NDOR1: variants seen among roughly 807,000 people sequenced by gnomAD.
The protein encoded by NDOR1 is NADPH dependent diflavin oxidoreductase 1, also known as NADPH-dependent diflavin oxidoreductase 1.
A neutral mutation model predicts 67.2 loss-of-function variants in NDOR1; 61 were observed. That is an observed-to-expected ratio of 0.91 (90% CI 0.74 to 1.12). The LOEUF is 1.12. NDOR1 is among the 50% of genes most tolerant of loss of function. The pLI, the probability that NDOR1 is intolerant of heterozygous loss-of-function variation, is 0.00. For missense variants in NDOR1, 878 were observed against 802.8 expected, an observed-to-expected ratio of 1.09 and a Z score of -1.13; for synonymous variants, 378 against 343.7, an observed-to-expected ratio of 1.10 and a Z score of -1.10.
intron 2 of NDOR1, among the ~76,000 whole-genome samples, chr9:137,209,004 C>A (rs929231188): frequency 3.3e-5 from 5 of 152,124 alleles, no homozygotes; most frequent in Admixed American, 6.5e-5. Flanking sequence ...CCTCAGCCTC[C>A]CAAGTAGATG....
rs1253344769 is a variant in NDOR1 at position 137,219,182 on chromosome 9, G to A, written c.*2766G>A. On this transcript the variant is annotated 3_prime_UTR_variant, in exon 14 of 14. Coordinates refer to ENST00000684003, the MANE Select transcript of NDOR1 (RefSeq NM_014434.4). ...CACTTGATCAGGCCCAGACCAGGTG[G>A]GGGTTGGCGCTGGCCTGTGTTGCAG... The A allele has an allele frequency of 6.6e-6, 1 of 152,424 alleles. No individual in the cohort carries two copies. The highest frequency in any genetic ancestry group is 1.5e-5 in the Non-Finnish European group (1 of 68,146). 9.4% of individuals were successfully genotyped at this position (152,424 alleles called of 1,614,324 possible). A position where few individuals can be genotyped will look rare whatever the true frequency, so the allele number is the denominator to read the frequency against.
Position 137,205,903 on chromosome 9 carries a change from C to G in NDOR1, c.126C>G (p.Ser42=), listed in dbSNP as rs1454010552. ...RLGCRVQALD[S]YPVVNLINEP... is the part of the protein sequence containing the mutation. ...GCTGCCGGGTGCAGGCCCTGGACTC[C>G]TACCCGGTGGTGAGGGCTCGCTAGG... Residue 42 remains serine (S), a synonymous_variant, in exon 1 of 14, where the codon TCC becomes TCG. Coordinates refer to ENST00000684003, the MANE Select transcript of NDOR1 (RefSeq NM_014434.4). 6.3e-7 allele frequency: 1 copy of G among 1,592,718 alleles called. No individual in the cohort carries two copies.
At chr9:137,211,002 A>G (rs1019693968) in intron 2 of NDOR1, among the ~76,000 whole-genome samples, 3 of 150,924 alleles carry the variant, frequency 2.0e-5, no homozygotes, top group Admixed American at 6.6e-5. Flanking sequence ...TTAGCCGGGC[A>G]TGGTGGCACG....
chr9:137,212,386 G>C lies in NDOR1; in HGVS notation c.214-116G>C, dbSNP rs1393458920. The C allele has an allele frequency of 1.2e-6, 1 of 858,716 alleles. No homozygotes were observed. The highest frequency in any genetic ancestry group is 1.9e-6 in the Non-Finnish European group (1 of 521,700). 53.2% of individuals were successfully genotyped at this position (858,716 alleles called of 1,614,324 possible). A position where few individuals can be genotyped will look rare whatever the true frequency, so the allele number is the denominator to read the frequency against. On this transcript the variant is annotated intron_variant, in intron 2 of 13. Transcript: ENST00000684003. This position sits in a 1 kb window ranked among gnomAD's most constrained non-coding sequence, Gnocchi z 4.3. ...GCCTTTTGGTCAGATAGGTCCAGTTGTATTCTGCCCCCATCCTACCCACCT... is the reference window on the plus strand; with the variant it reads ...GCCTTTTGGTCAGATAGGTCCAGTTCTATTCTGCCCCCATCCTACCCACCT...
At chr9:137,214,537 G>GTCCCC (rs754856659) in intron 6 of NDOR1, 33 bp from the exon 7 acceptor site, 1 of 1,610,320 alleles carries the variant, frequency 6.2e-7, no homozygotes, top group Non-Finnish European at 8.5e-7. Flanking sequence ...TCCCTGCGGC[G>GTCCCC]TCCCCACAGC....
rs757666712 is a variant in NDOR1 at position 137,214,348 on chromosome 9, C to T, written c.657C>T (p.Val219=). The change falls in exon 6 of 14, where the codon GTC becomes GTT. Residue 219 remains valine (V), a synonymous_variant. Coordinates refer to ENST00000684003, the MANE Select transcript of NDOR1 (RefSeq NM_014434.4). The part of the protein sequence containing the change: ...FLAPMISNQR[V]TGPSHFQDVR... ...CACCCATGATCTCCAACCAGAGAGT[C>T]ACCGGCCCCTCCCACTTCCAGGACG... is the stretch of plus-strand genomic sequence containing the variant. 2 of 1,614,060 alleles carry T rather than the reference C, an allele frequency of 1.2e-6. No individual in the cohort carries two copies. Among genetic ancestry groups the T allele is most frequent in the African/African-American group, 1.3e-5 (1 of 74,932 alleles).
rs1835414064 is a variant in NDOR1 at position 137,214,287 on chromosome 9, C to T, written c.596C>T (p.Ser199Phe). ...GGGCAGCGGGTAGCTCACCCCGGCT[C>T]TCAGGAGCCCCCGTCAGAGTCGAAG... ...SEGQRVAHPG[S>F]QEPPSESKPF... Residue 199 changes from serine (S) to phenylalanine (F), a missense_variant, in exon 6 of 14, where the codon TCT (serine) becomes TTT (phenylalanine). Physicochemically the swap from Ser to Phe is radical, Grantham distance 155. Coordinates refer to ENST00000684003, the MANE Select transcript of NDOR1 (RefSeq NM_014434.4). The T allele has an allele frequency of 6.2e-7, 1 of 1,613,824 alleles. No homozygotes were observed. The highest frequency in any genetic ancestry group is 2.2e-5 in the East Asian group (1 of 44,890).
intron 2 of NDOR1, among the ~76,000 whole-genome samples, chr9:137,210,182 T>C (rs1384414301): frequency 2.0e-5 from 3 of 152,200 alleles, no homozygotes; most frequent in Non-Finnish European, 4.4e-5. Context: ...GGGGCAAAGC[T>C]GGAGACTCAG....
rs1339440276 is a variant in NDOR1 at position 137,214,385 on chromosome 9, G to A, written c.694G>A (p.Glu232Lys). The change falls in exon 6 of 14, where the codon GAG becomes AAG. Residue 232 changes from glutamate (E) to lysine (K), a missense_variant. Transcript: ENST00000684003. ...CCACTTCCAGGACGTTCGGCTGATT[G>A]AGTTTGACATCTTGGGCTCTGGCAT... Reference protein sequence around the residue: ...PSHFQDVRLIEFDILGSGISF... With the variant: ...PSHFQDVRLIKFDILGSGISF... 1 of 1,614,160 alleles carries A rather than the reference G, an allele frequency of 6.2e-7. No individual in the cohort carries two copies. Among genetic ancestry groups the A allele is most frequent in the Non-Finnish European group, 8.5e-7 (1 of 1,180,026 alleles).
chr9:137,208,305 G>T (rs948238784), intron 2 of NDOR1, among the ~76,000 whole-genome samples: 6 of 151,708 alleles, frequency 4.0e-5, no homozygotes, highest in Middle Eastern at 3.4e-3. Context: ...CAAAAAACTA[G>T]CCGGATGTGG....
intron 3 of NDOR1, 112 bp from the exon 4 acceptor site, chr9:137,213,668 C>A (rs754434616): frequency 4.0e-5 from 44 of 1,086,862 alleles, no homozygotes; most frequent in Non-Finnish European, 5.6e-5. Context: ...CCGAGGGAGG[C>A]CCTCCCCAGG....
intron 4 of NDOR1, 24 bp downstream of exon 4, chr9:137,213,902 G>T: frequency 2.5e-6 from 4 of 1,601,142 alleles, no homozygotes; most frequent in South Asian, 1.1e-5. Context: ...CGTGGTACCC[G>T]CCTCCACAGT....
In NDOR1 at chr9:137,213,714, C is replaced by G; in HGVS notation, c.312-66C>G. 3 of 1,502,340 alleles carry G rather than the reference C, an allele frequency of 2.0e-6. No homozygotes were observed. In the Admixed American group the frequency reaches 6.2e-5, roughly 31 times the overall value. The allele number at this position is 1,502,340 out of a possible 1,614,324, so 93.1% of individuals were successfully genotyped here. A position where few individuals can be genotyped will look rare whatever the true frequency, so the allele number is the denominator to read the frequency against. On this transcript the variant is annotated intron_variant, in intron 3 of 13. Coordinates refer to ENST00000684003, the MANE Select transcript of NDOR1 (RefSeq NM_014434.4). ...CGCCCGGGCTCCACTCTCCCGGGTTCCACTCTGCCTGGGCACCACTCTCCG... is the reference window on the plus strand; with the variant it reads ...CGCCCGGGCTCCACTCTCCCGGGTTGCACTCTGCCTGGGCACCACTCTCCG...
chr9:137,215,267 T>C, intron 9 of NDOR1, 65 bp downstream of exon 9: 2 of 1,563,518 alleles, frequency 1.3e-6, no homozygotes, highest in East Asian at 2.3e-5. Flanking sequence ...GGCTGTGGGG[T>C]TTTGTAAGCA....
Position 137,212,508 on chromosome 9 carries a change from T to G in NDOR1, c.220T>G (p.Trp74Gly). 1 of 1,613,998 alleles carries G rather than the reference T, an allele frequency of 6.2e-7. No homozygotes were observed. The highest frequency in any genetic ancestry group is 8.5e-7 in the Non-Finnish European group (1 of 1,179,894). The change falls in exon 3 of 14, where the codon TGG (tryptophan) becomes GGG (glycine). Residue 74 changes from tryptophan to glycine, a missense_variant. Trp to Gly is a radical substitution (Grantham distance 184, BLOSUM62 -2). Coordinates refer to ENST00000684003, the MANE Select transcript of NDOR1 (RefSeq NM_014434.4). The surrounding 1 kb of genome is among the most constrained non-coding windows in gnomAD (Gnocchi z 4.3). ...GDPPDNMKNFWRFIFRKNLPS... is the reference protein window; with the variant it reads ...GDPPDNMKNFGRFIFRKNLPS... ...GAGTTTCCTCCGGCTGTAGAACTTCTGGAGGTTTATATTCCGGAAGAACCT... is the reference window on the plus strand; with the variant it reads ...GAGTTTCCTCCGGCTGTAGAACTTCGGGAGGTTTATATTCCGGAAGAACCT...
rs1394689335 is a variant in NDOR1 at position 137,218,537 on chromosome 9, C to G, written c.*2121C>G. On this transcript the variant is annotated 3_prime_UTR_variant, in exon 14 of 14. Coordinates refer to ENST00000684003, the MANE Select transcript of NDOR1 (RefSeq NM_014434.4). ...GGCCCTTGAGCTTCTGGGGCTGCTGCTGGTCTTCACGCCGCTCCTGCTGCT... is the reference window on the plus strand; with the variant it reads ...GGCCCTTGAGCTTCTGGGGCTGCTGGTGGTCTTCACGCCGCTCCTGCTGCT... The G allele has an allele frequency of 2.5e-6, 1 of 401,288 alleles. No individual in the cohort carries two copies. The highest frequency in any genetic ancestry group is 4.4e-6 in the Non-Finnish European group (1 of 228,344). 24.9% of individuals were successfully genotyped at this position (401,288 alleles called of 1,614,324 possible).
At position 137,214,762 on chromosome 9, in the gene NDOR1, G is replaced by A. The variant is rs375458356; in HGVS notation, c.845-36G>A. 33 of 1,595,842 alleles carry A rather than the reference G, an allele frequency of 2.1e-5. No homozygotes were observed. The South Asian group carries it at 2.1e-4, about 10-fold the overall frequency. ...CCTGGGCCCCCACCCCAAGGGCTCC[G>A]CCGCAGCCCACGGAGGCCTCCCACT... On this transcript the variant is annotated intron_variant, in intron 7 of 13. Transcript: ENST00000684003.
chr9:137,215,286 C>T (rs1835501746), intron 9 of NDOR1, 84 bp downstream of exon 9: 2 of 1,543,396 alleles, frequency 1.3e-6, no homozygotes, highest in African/African-American at 1.4e-5. Context: ...CAGGGGCTGC[C>T]CTCTGACCAG....
Position 137,212,326 on chromosome 9 carries a change from G to A in NDOR1, c.214-176G>A, listed in dbSNP as rs1454886556. Among the ~76,000 whole-genome samples, 1 of 152,074 alleles carries A rather than the reference G, an allele frequency of 6.6e-6. No individual in the cohort carries two copies. The highest frequency in any genetic ancestry group is 1.5e-5 in the Non-Finnish European group (1 of 68,008). On this transcript the variant is annotated intron_variant, in intron 2 of 13. Coordinates refer to ENST00000684003, the MANE Select transcript of NDOR1 (RefSeq NM_014434.4). This position sits in a 1 kb window ranked among gnomAD's most constrained non-coding sequence, Gnocchi z 4.3. ...CGCTGGACCAGCCCTGCCTCCTCCC[G>A]GTGCCCATCATCCTGCAGGCTGGAC...
Sources: gnomAD v4.1 joint callset for allele counts (sites outside exome capture counted in the v4.1 genomes callset) on GRCh38, gnomAD v4.1.1 for gene constraint, Gnocchi (gnomAD v3.1) non-coding constraint, MANE v1.5 for transcripts, NCBI Gene and HGNC (gene_info 2026-07-23, HGNC 2026-07-21) for gene names.